The following MAML1 variants were observed in gnomAD, a reference collection of about 807,000 sequenced individuals.
MAML1 encodes the protein mastermind-like protein 1.
In MAML1, 14 loss-of-function variants were observed where a neutral mutation model predicts 77.1. The ratio of observed to expected loss-of-function variants is 0.18; its 90% CI spans 0.12 to 0.28. The LOEUF (loss-of-function observed/expected upper bound fraction) is 0.28. MAML1 is among the 10% of genes least tolerant of loss of function. The probability of loss-of-function intolerance (pLI) is 1.00; values close to 1 mark genes in which losing one functional copy is unlikely to be tolerated. For synonymous variants in MAML1, 516 were observed against 551.9 expected (o/e 0.93, Z 0.91); for missense variants, 1,217 against 1,327.8 (o/e 0.92, Z 1.30).
At position 179,775,182 on chromosome 5, in the gene MAML1, T is replaced by A; in HGVS notation, c.*305T>A. 9.0e-7 allele frequency: 1 copy of A among 1,105,962 alleles called. No homozygotes were observed. 68.5% of individuals were successfully genotyped at this position (1,105,962 alleles called of 1,614,324 possible). A position where few individuals can be genotyped will look rare whatever the true frequency, so the allele number is the denominator to read the frequency against. On this transcript the variant is annotated 3_prime_UTR_variant, in exon 5 of 5. Transcript: ENST00000292599. ...ACCAAAAAACCAACAGTAACACCAGTGAAACCCCACACTGTCGGGCTTATA... is the reference window on the plus strand; with the variant it reads ...ACCAAAAAACCAACAGTAACACCAGAGAAACCCCACACTGTCGGGCTTATA...
intron 1 of MAML1, among the ~76,000 whole-genome samples, chr5:179,733,865 T>C (rs990568430): frequency 6.6e-6 from 1 of 152,222 alleles, no homozygotes; most frequent in Admixed American, 6.5e-5. Flanking sequence ...GGATCAGGGC[T>C]TTCATGTGGA....
At chr5:179,734,246 AT>A (rs1309184013) in intron 1 of MAML1, among the ~76,000 whole-genome samples, 3 of 152,168 alleles carry the variant, frequency 2.0e-5, no homozygotes, top group Non-Finnish European at 2.9e-5. Flanking sequence ...CTAATTTGTT[AT>A]GTGTATTTTT....
At chr5:179,740,457 T>G (rs1779260362) in intron 1 of MAML1, among the ~76,000 whole-genome samples, 1 of 152,030 alleles carries the variant, frequency 6.6e-6, no homozygotes, top group Non-Finnish European at 1.5e-5. Flanking sequence ...ATTTTTTTTT[T>G]TAGTAGAGAC....
At chr5:179,749,551 G>T (rs1289416236) in intron 1 of MAML1, among the ~76,000 whole-genome samples, 1 of 152,164 alleles carries the variant, frequency 6.6e-6, no homozygotes, top group Non-Finnish European at 1.5e-5. Context: ...CTGAGCCACT[G>T]TGCCTGGCCG....
chr5:179,772,602 CA>C (rs1227262794), intron 4 of MAML1, among the ~76,000 whole-genome samples: 1 of 152,180 alleles, frequency 6.6e-6, no homozygotes, highest in Non-Finnish European at 1.5e-5. Flanking sequence ...CTTTCTCTTC[CA>C]CCCTCTGCTG....
At position 179,732,862 on chromosome 5, in the gene MAML1, T is replaced by A. The variant is rs568902492; in HGVS notation, c.-251T>A. 4.1e-6 allele frequency: 1 copy of A among 245,606 alleles called. No individual in the cohort carries two copies. The highest frequency in any genetic ancestry group is 2.3e-5 in the African/African-American group (1 of 43,884). 15.2% of individuals were successfully genotyped at this position (245,606 alleles called of 1,614,324 possible). On this transcript the variant is annotated 5_prime_UTR_variant, in exon 1 of 5. Transcript: ENST00000292599. ...AATTTTAAGATGGCGGCCGCGGCGG[T>A]AGCGCGGAAAACAATGGGGCCGGGG...
At chr5:179,768,280 A>T (rs1392409630) in intron 2 of MAML1, among the ~76,000 whole-genome samples, 1 of 152,026 alleles carries the variant, frequency 6.6e-6, no homozygotes, top group Non-Finnish European at 1.5e-5. Context: ...AACATGGAGA[A>T]ACCCCCATCT....
rs1010876466 is a variant in MAML1, at chr5:179,769,654, G to A, written c.1971+565G>A. ...TGCAGCCTCCACCTCATGGGTTCAT[G>A]CAATTCTCCTGCCTCAGCCTCCCGA... On this transcript the variant is annotated intron_variant, in intron 3 of 4. Transcript: ENST00000292599. This position sits in a 1 kb window ranked among gnomAD's most constrained non-coding sequence, Gnocchi z 4.2. 6.6e-6 allele frequency among the ~76,000 whole-genome samples: 1 copy of A among 152,022 alleles called. No individual in the cohort carries two copies. Among genetic ancestry groups the A allele is most frequent in the African/African-American group, 2.4e-5 (1 of 41,382 alleles).
At chr5:179,757,730 C>T (rs1400978395) in intron 1 of MAML1, among the ~76,000 whole-genome samples, 1 of 152,182 alleles carries the variant, frequency 6.6e-6, no homozygotes, top group Non-Finnish European at 1.5e-5. Flanking sequence ...CCTTCTGAGC[C>T]TCACTGGTTT....
At chr5:179,739,124 G>A (rs190734795) in intron 1 of MAML1, among the ~76,000 whole-genome samples, 18 of 152,212 alleles carry the variant, frequency 1.2e-4, no homozygotes, top group African/African-American at 3.4e-4. Context: ...TCAGCCCTCC[G>A]TATCTGCGCA....
intron 1 of MAML1, among the ~76,000 whole-genome samples, chr5:179,753,591 T>C (rs1230957949): frequency 1.3e-5 from 2 of 151,576 alleles, no homozygotes; most frequent in South Asian, 2.1e-4. Flanking sequence ...ATTAAGACAG[T>C]AGTGGATGAG....
Position 179,733,374 on chromosome 5 carries a change from C to A in MAML1, c.262C>A (p.Pro88Thr), listed in dbSNP as rs1188277658. ...CGCCACGGCCCCGGCGCCCGCCGCC[C>A]CGGCCCCGCGCCTGGACGCCGCTGA... ...PAATAPAPAA[P>T]APRLDAADGP... Residue 88 changes from proline to threonine, a missense_variant, in exon 1 of 5, where the codon CCG (proline) becomes ACG (threonine). By Grantham distance (38) the Pro-to-Thr change is conservative. Transcript: ENST00000292599. The A allele has an allele frequency of 4.7e-5, 57 of 1,212,664 alleles. No individual in the cohort carries two copies. The highest frequency in any genetic ancestry group is 5.4e-5 in the Non-Finnish European group (53 of 980,552). The allele number at this position is 1,212,664 out of a possible 1,614,324, so 75.1% of individuals were successfully genotyped here.
At chr5:179,748,947 T>C (rs535698690) in intron 1 of MAML1, among the ~76,000 whole-genome samples, 1 of 104,302 alleles carries the variant, frequency 9.6e-6, no homozygotes, top group Admixed American at 1.2e-4. Context: ...AAAAGGTGTT[T>C]TTGTTTTTTT....
intron 1 of MAML1, among the ~76,000 whole-genome samples, chr5:179,742,022 C>G (rs1347033225): frequency 6.6e-6 from 1 of 151,810 alleles, no homozygotes; most frequent in Non-Finnish European, 1.5e-5. Flanking sequence ...CTCAGCCTCC[C>G]AAGTAGCTGA....
At chr5:179,734,753 T>G (rs1406316774) in intron 1 of MAML1, among the ~76,000 whole-genome samples, 1 of 152,008 alleles carries the variant, frequency 6.6e-6, no homozygotes, top group African/African-American at 2.4e-5. Flanking sequence ...TCCTCCCGCC[T>G]CAGCCTCCTC....
intron 1 of MAML1, among the ~76,000 whole-genome samples, chr5:179,738,018 G>T (rs1779206593): frequency 6.6e-6 from 1 of 152,080 alleles, no homozygotes; most frequent in Non-Finnish European, 1.5e-5. Context: ...GCCGAAAGTT[G>T]ATTTTCTTAC....
chr5:179,755,068 T>C (rs552437322), intron 1 of MAML1, among the ~76,000 whole-genome samples: 2 of 152,348 alleles, frequency 1.3e-5, no homozygotes, highest in East Asian at 3.9e-4. Context: ...AGTTGGACTT[T>C]GAGACACAGC....
chr5:179,747,808 C>CAAAAAAAAAA lies in MAML1; in HGVS notation c.315+14393_315+14402dup, dbSNP rs71001044. 4.1e-3 allele frequency among the ~76,000 whole-genome samples: 169 copies of CAAAAAAAAAA among 40,864 alleles called. 18 individuals are homozygous for CAAAAAAAAAA. The highest frequency in any genetic ancestry group is 7.9e-3 in the South Asian group (5 of 630). 26.8% of individuals were successfully genotyped at this position (40,864 alleles called of 152,430 possible). ...CCTGGGCGACAGCGAGACTCCATCT[C>CAAAAAAAAAA]AAAAAAAAAAAAAAAAAAAAAGAAG... is the stretch of plus-strand genomic sequence containing the variant. On this transcript the variant is annotated intron_variant, in intron 1 of 4. Coordinates refer to ENST00000292599, the MANE Select transcript of MAML1 (RefSeq NM_014757.5).
At position 179,733,038 on chromosome 5, in the gene MAML1, C is replaced by G; in HGVS notation, c.-75C>G. 2.1e-6 allele frequency: 2 copies of G among 940,990 alleles called. No homozygotes were observed. Among genetic ancestry groups the G allele is most frequent in the Non-Finnish European group, 2.7e-6 (2 of 728,304 alleles). The allele number at this position is 940,990 out of a possible 1,614,324, so 58.3% of individuals were successfully genotyped here. A position where few individuals can be genotyped will look rare whatever the true frequency, so the allele number is the denominator to read the frequency against. ...GCCGTGAGGCGGAGAGGGGTAGCCGCGGGGAGCGAAGCCCGCAGTGCCAGC... is the reference window on the plus strand; with the variant it reads ...GCCGTGAGGCGGAGAGGGGTAGCCGGGGGGAGCGAAGCCCGCAGTGCCAGC... On this transcript the variant is annotated 5_prime_UTR_variant, in exon 1 of 5. Coordinates refer to ENST00000292599, the MANE Select transcript of MAML1 (RefSeq NM_014757.5).
Sources: allele counts gnomAD v4.1 joint callset (sites outside exome capture counted in the v4.1 genomes callset), GRCh38; gene constraint gnomAD v4.1.1; non-coding constraint Gnocchi (gnomAD v3.1); transcripts MANE v1.5; gene names NCBI Gene and HGNC (gene_info 2026-07-23, HGNC 2026-07-21).